RNF19A: variants seen among roughly 807,000 people sequenced by gnomAD.
RNF19A encodes ring finger protein 19A, RBR E3 ubiquitin protein ligase.
Under a neutral mutation model 75.7 loss-of-function variants are expected in RNF19A, and 32 were observed. The observed-to-expected ratio is 0.42, with a 90% CI of 0.32 to 0.57. The LOEUF is 0.57. RNF19A is among the 20% of genes least tolerant of loss of function. The pLI is 0.10. For synonymous variants in RNF19A, 335 were observed against 345.2 expected (o/e 0.97, Z 0.33); for missense variants, 782 against 1,036.3 (o/e 0.75, Z 3.37).
At position 100,270,983 on chromosome 8, in the gene RNF19A, TAAGAA is replaced by T. The variant is rs1354538848; in HGVS notation, c.884-975_884-971del. 3.9e-5 allele frequency among the ~76,000 whole-genome samples: 6 copies of T among 152,256 alleles called. No homozygotes were observed. In the East Asian group the frequency reaches 1.2e-3, roughly 29 times the overall value. On this transcript the variant is annotated intron_variant, in intron 3 of 9. Transcript: ENST00000341084. ...GCTATATTTTCCAACTACTCACAGT[TAAGAA>T]AAGATATTTATAGTGCTAACCACTG...
In RNF19A at chr8:100,271,034, T is replaced by C. The variant is rs1030726117; in HGVS notation, c.884-1021A>G. Reference sequence around the variant, plus strand: ...CACTGAATTTAAGTATTTGTTCCAATGTCTTACATTATAAGCATTAAGCTA... The same window carrying C: ...CACTGAATTTAAGTATTTGTTCCAACGTCTTACATTATAAGCATTAAGCTA... On this transcript the variant is annotated intron_variant, in intron 3 of 9. Transcript: ENST00000341084. Among the ~76,000 whole-genome samples, 8 of 152,272 alleles carry C rather than the reference T, an allele frequency of 5.3e-5. No individual in the cohort carries two copies. The East Asian group carries it at 9.6e-4, about 18-fold the overall frequency.
At position 100,259,327 on chromosome 8, in the gene RNF19A, G is replaced by T; in HGVS notation, c.1827-81C>A. ...TGACTGGGGGAAGGGTTTCTATGTG[G>T]AAAATTCAGACTATATATAAGCTAT... is the stretch of plus-strand genomic sequence containing the variant. On this transcript the variant is annotated intron_variant, in intron 9 of 9. Coordinates refer to ENST00000341084, the MANE Select transcript of RNF19A (RefSeq NM_183419.4). The surrounding 1 kb of genome is among the most constrained non-coding windows in gnomAD (Gnocchi z 4.5). 1.8e-6 allele frequency: 2 copies of T among 1,115,696 alleles called. No individual in the cohort carries two copies. Among genetic ancestry groups the T allele is most frequent in the Non-Finnish European group, 2.6e-6 (2 of 776,870 alleles). 69.1% of individuals were successfully genotyped at this position (1,115,696 alleles called of 1,614,324 possible).
intron 1 of RNF19A, among the ~76,000 whole-genome samples, chr8:100,319,682 A>G (rs978814123): frequency 6.6e-6 from 1 of 151,926 alleles, no homozygotes; most frequent in Non-Finnish European, 1.5e-5. Flanking sequence ...GGCACACACC[A>G]CCATGCCCGG....
chr8:100,308,341 CATA>C, intron 1 of RNF19A, among the ~76,000 whole-genome samples: 1 of 152,170 alleles, frequency 6.6e-6, no homozygotes, highest in East Asian at 1.9e-4. Context: ...GTTTTTTTAG[CATA>C]ATTTGGTTTA....
chr8:100,260,003 A>AG lies in RNF19A; in HGVS notation c.1683-7dup, dbSNP rs758913565. The AG allele has an allele frequency of 1.2e-6, 2 of 1,612,834 alleles. No homozygotes were observed. The highest frequency in any genetic ancestry group is 2.2e-5 in the South Asian group (2 of 90,948). ...CATCTGCTTGTACTTCCAACCTTAA[A>AG]GGGGGGTATGAAATCACCAAAATTA... On this transcript the variant is annotated splice_region_variant and splice_polypyrimidine_tract_variant and intron_variant, in intron 8 of 9. Coordinates refer to ENST00000341084, the MANE Select transcript of RNF19A (RefSeq NM_183419.4). This position sits in a 1 kb window ranked among gnomAD's most constrained non-coding sequence, Gnocchi z 4.1.
intron 5 of RNF19A, among the ~76,000 whole-genome samples, chr8:100,265,600 A>G (rs950280154): frequency 6.6e-6 from 1 of 152,196 alleles, no homozygotes; most frequent in African/African-American, 2.4e-5. Flanking sequence ...AAACAGCCTC[A>G]AAAGTATGGG....
rs751893153 is a variant in RNF19A, at chr8:100,258,575, G to T, written c.2498C>A (p.Ala833Glu). Residue 833 changes from alanine to glutamate, a missense_variant, in exon 10 of 10, where the codon GCA becomes GAA. Ala to Glu is a moderately radical substitution (Grantham distance 107, BLOSUM62 -1). This residue lies in a region of RNF19A where 442 missense variants were observed against 541.6 expected (regional missense o/e 0.82). Coordinates refer to ENST00000341084, the MANE Select transcript of RNF19A (RefSeq NM_183419.4). This position sits in a 1 kb window ranked among gnomAD's most constrained non-coding sequence, Gnocchi z 4.3. ...HSHQTMELKV[A>E]IQTEI is the part of the protein sequence containing the mutation. ...ATGGGCCTAAATTTCAGTCTGAATT[G>T]CAACTTTTAATTCCATTGTCTGATG... 6 of 1,610,700 alleles carry T rather than the reference G, an allele frequency of 3.7e-6. No individual in the cohort carries two copies. The highest frequency in any genetic ancestry group is 2.2e-5 in the South Asian group (2 of 90,590).
intron 1 of RNF19A, 28 bp downstream of exon 1, chr8:100,309,839 G>T (rs1822230484): frequency 1.0e-6 from 1 of 985,504 alleles, no homozygotes; most frequent in African/African-American, 1.7e-5. Flanking sequence ...GCTCCGGGGC[G>T]CAAGCTCCTC....
In RNF19A at chr8:100,261,354, TC is replaced by T. The variant is rs1819704562; in HGVS notation, c.1682+187del. Among the ~76,000 whole-genome samples the T allele has an allele frequency of 5.9e-5, 9 of 152,178 alleles. No homozygotes were observed. In the South Asian group the frequency reaches 1.9e-3, roughly 31 times the overall value. On this transcript the variant is annotated intron_variant, in intron 8 of 9. Transcript: ENST00000341084. This position sits in a 1 kb window ranked among gnomAD's most constrained non-coding sequence, Gnocchi z 4.4. ...CTCAGGCAATCCACCTGCTTTGGCT[TC>T]CCAACATGCTGGGATTACAGGCGTG...
Position 100,292,957 on chromosome 8 carries a change from A to G in RNF19A, c.-93-4690T>C, listed in dbSNP as rs1210740093. Among the ~76,000 whole-genome samples the G allele has an allele frequency of 2.0e-5, 3 of 152,128 alleles. No homozygotes were observed. In the East Asian group the frequency reaches 5.8e-4, roughly 29 times the overall value. ...TTTGGTACCAGGACCAATTTCATAGAAGACAATTTTTCCACAGATGGAGGT... is the reference window on the plus strand; with the variant it reads ...TTTGGTACCAGGACCAATTTCATAGGAGACAATTTTTCCACAGATGGAGGT... On this transcript the variant is annotated intron_variant, in intron 1 of 9. Transcript: ENST00000341084.
rs922461043 is a variant in RNF19A, at chr8:100,324,872, CT to C, written c.-243+11235del. On this transcript the variant is annotated intron_variant, in intron 1 of 3. Transcript: ENST00000519527. This position sits in a 1 kb window ranked among gnomAD's most constrained non-coding sequence, Gnocchi z 4.2. ...CTCCCTCCTTCCTTTCTCTCTTTCT[CT>C]TTTTTTTCTTTCTTTCTCTCTCTCT... Among the ~76,000 whole-genome samples the C allele has an allele frequency of 6.0e-5, 8 of 133,100 alleles. No homozygotes were observed. The highest frequency in any genetic ancestry group is 2.4e-4 in the South Asian group (1 of 4,128). The allele number at this position is 133,100 out of a possible 152,430, so 87.3% of individuals were successfully genotyped here.
intron 1 of RNF19A, among the ~76,000 whole-genome samples, chr8:100,327,166 T>G (rs937738305): frequency 6.6e-6 from 1 of 152,072 alleles, no homozygotes; most frequent in African/African-American, 2.4e-5. Flanking sequence ...AAAATTATTC[T>G]CATCTTCTGG....
chr8:100,267,513 G>A (rs1025265293), intron 5 of RNF19A, among the ~76,000 whole-genome samples: 3 of 151,950 alleles, frequency 2.0e-5, no homozygotes, highest in Non-Finnish European at 4.4e-5. Flanking sequence ...GGGACTACAG[G>A]TGCATACTAC....
chr8:100,332,280 T>C lies in RNF19A; in HGVS notation c.-243+3828A>G, dbSNP rs956332015. Among the ~76,000 whole-genome samples, 2 of 152,164 alleles carry C rather than the reference T, an allele frequency of 1.3e-5. No homozygotes were observed. Among genetic ancestry groups the C allele is most frequent in the Non-Finnish European group, 2.9e-5 (2 of 68,028 alleles). On this transcript the variant is annotated intron_variant, in intron 1 of 3. Transcript: ENST00000519527. The surrounding 1 kb of genome is among the most constrained non-coding windows in gnomAD (Gnocchi z 4.8). ...GATGTGGTGGGAAGTGATTGGGTCA[T>C]GGTGGTAATTTCCCCCATGTTGTTC... is the stretch of plus-strand genomic sequence containing the variant.
At chr8:100,282,051 C>A (rs1413955553) in intron 2 of RNF19A, among the ~76,000 whole-genome samples, 1 of 152,100 alleles carries the variant, frequency 6.6e-6, no homozygotes, top group Non-Finnish European at 1.5e-5. Context: ...GTTCTCAGGG[C>A]TACATGCCTG....
chr8:100,263,033 T>C (rs1586594826), intron 7 of RNF19A, among the ~76,000 whole-genome samples: 1 of 152,178 alleles, frequency 6.6e-6, no homozygotes, highest in African/African-American at 2.4e-5. Flanking sequence ...CAAGTTAAGC[T>C]TGAAATTCTT....
chr8:100,293,399 T>A (rs1586659765), intron 1 of RNF19A, among the ~76,000 whole-genome samples: 3 of 152,382 alleles, frequency 2.0e-5, no homozygotes, highest in East Asian at 3.9e-4. Context: ...GATATCTTTA[T>A]CCTTTCAGGA....
At position 100,284,733 on chromosome 8, in the gene RNF19A, A is replaced by G. The variant is rs1209386151; in HGVS notation, c.674+2768T>C. Among the ~76,000 whole-genome samples the G allele has an allele frequency of 6.6e-6, 1 of 152,136 alleles. No individual in the cohort carries two copies. Among genetic ancestry groups the G allele is most frequent in the Non-Finnish European group, 1.5e-5 (1 of 67,958 alleles). ...AGAAGAAAATGTGCCAAAATATCCC[A>G]AAGTATGAGTTTCTGATTATTTTTA... On this transcript the variant is annotated intron_variant, in intron 2 of 9. Transcript: ENST00000341084. This position sits in a 1 kb window ranked among gnomAD's most constrained non-coding sequence, Gnocchi z 4.3.
upstream of RNF19A, among the ~76,000 whole-genome samples, chr8:100,311,000 A>G (rs977759118): frequency 6.6e-6 from 1 of 152,236 alleles, no homozygotes; most frequent in African/African-American, 2.4e-5. Flanking sequence ...GATCACTCTA[A>G]CATAGAATAC....
Sources: allele counts gnomAD v4.1 joint callset (sites outside exome capture counted in the v4.1 genomes callset), GRCh38; gene constraint gnomAD v4.1.1; regional missense constraint gnomAD v4.1.1; non-coding constraint Gnocchi (gnomAD v3.1); transcripts MANE v1.5; gene names NCBI Gene and HGNC (gene_info 2026-07-23, HGNC 2026-07-21).